NR3C2: variants seen among roughly 807,000 people sequenced by gnomAD.
NR3C2 encodes nuclear receptor subfamily 3 group C member 2.
A neutral mutation model predicts 86.4 loss-of-function variants in NR3C2; 15 were observed. The observed-to-expected ratio is 0.17, with a 90% CI of 0.12 to 0.27. NR3C2 has a LOEUF of 0.27. Among genes scored for constraint, NR3C2 ranks in the 10% least tolerant of loss-of-function variants. NR3C2 has a pLI of 1.00. For missense variants in NR3C2, 960 were observed against 1,195.6 expected, an observed-to-expected ratio of 0.80 and a Z score of 2.91; for synonymous variants, 458 against 450.5, an observed-to-expected ratio of 1.02 and a Z score of -0.21.
chr4:148,367,064 C>T (rs1380729949), intron 2 of NR3C2, among the ~76,000 whole-genome samples: 1 of 152,136 alleles, frequency 6.6e-6, no homozygotes, highest in African/African-American at 2.4e-5. Context: ...TCTATAAACC[C>T]AGAACTGCAT....
At chr4:148,128,710 G>A (rs1355515706) in intron 6 of NR3C2, among the ~76,000 whole-genome samples, 1 of 151,532 alleles carries the variant, frequency 6.6e-6, no homozygotes, top group African/African-American at 2.4e-5. Context: ...GAGTTTTAGG[G>A]GCTAGTTTTA....
At chr4:148,429,716 A>T (rs745856461) in intron 2 of NR3C2, among the ~76,000 whole-genome samples, 6 of 152,242 alleles carry the variant, frequency 3.9e-5, no homozygotes, top group Non-Finnish European at 8.8e-5. Context: ...AATGTTTAAA[A>T]TGAAGACGCT....
chr4:148,346,074 G>C (rs1408177261), intron 2 of NR3C2, among the ~76,000 whole-genome samples: 2 of 152,110 alleles, frequency 1.3e-5, no homozygotes, highest in Admixed American at 6.6e-5. Context: ...GTGAAGGAAA[G>C]CAAAGATAGC....
At chr4:148,423,752 G>A (rs912442839) in intron 2 of NR3C2, among the ~76,000 whole-genome samples, 1 of 152,088 alleles carries the variant, frequency 6.6e-6, no homozygotes, top group African/African-American at 2.4e-5. Context: ...ACCCAGGCTC[G>A]AGTGCAGTGG....
intron 2 of NR3C2, among the ~76,000 whole-genome samples, chr4:148,274,372 G>C (rs951040952): frequency 2.0e-5 from 3 of 152,184 alleles, no homozygotes; most frequent in East Asian, 1.9e-4. Flanking sequence ...GATATGGTTT[G>C]GCTCTGTGCC....
At chr4:148,252,322 G>A (rs1739619293) in intron 3 of NR3C2, among the ~76,000 whole-genome samples, 2 of 152,074 alleles carry the variant, frequency 1.3e-5, no homozygotes, top group East Asian at 3.9e-4. Flanking sequence ...TAGATTCAAC[G>A]ATATTACCTT....
intron 2 of NR3C2, among the ~76,000 whole-genome samples, chr4:148,299,229 T>C (rs905727956): frequency 2.0e-5 from 3 of 152,232 alleles, no homozygotes; most frequent in African/African-American, 7.2e-5. Context: ...CAAAAAAGCC[T>C]GCATCGTTTT....
At chr4:148,181,158 A>C (rs1213956065) in intron 4 of NR3C2, among the ~76,000 whole-genome samples, 1 of 152,214 alleles carries the variant, frequency 6.6e-6, no homozygotes, top group African/African-American at 2.4e-5. Context: ...AACCAGAATT[A>C]GGAACCAGTT....
At chr4:148,265,920 A>G (rs1740362874) in intron 2 of NR3C2, among the ~76,000 whole-genome samples, 1 of 152,184 alleles carries the variant, frequency 6.6e-6, no homozygotes, top group African/African-American at 2.4e-5. Context: ...ATCCTCATGG[A>G]ACTTCTATAG....
At chr4:148,199,157 G>A (rs1736590608) in intron 3 of NR3C2, among the ~76,000 whole-genome samples, 1 of 151,638 alleles carries the variant, frequency 6.6e-6, no homozygotes, top group Non-Finnish European at 1.5e-5. Context: ...AGTTAAGTGA[G>A]TAAAGAGCGT....
intron 2 of NR3C2, among the ~76,000 whole-genome samples, chr4:148,327,014 A>G (rs1014044277): frequency 6.6e-6 from 1 of 152,228 alleles, no homozygotes; most frequent in African/African-American, 2.4e-5. Flanking sequence ...CATCCAAGAA[A>G]AGTCCACGGT....
intron 2 of NR3C2, among the ~76,000 whole-genome samples, chr4:148,298,970 G>C (rs1269460115): frequency 6.6e-6 from 1 of 152,214 alleles, no homozygotes; most frequent in African/African-American, 2.4e-5. Flanking sequence ...GGGAGAATGG[G>C]GTGGAGCCAC....
chr4:148,327,808 A>C (rs1017681505), intron 2 of NR3C2, among the ~76,000 whole-genome samples: 2 of 152,126 alleles, frequency 1.3e-5, no homozygotes, highest in African/African-American at 2.4e-5. Context: ...GCTTGGCTTT[A>C]ATCTCTCAGG....
intron 2 of NR3C2, among the ~76,000 whole-genome samples, chr4:148,423,786 T>C (rs1749397184): frequency 6.6e-6 from 1 of 152,178 alleles, no homozygotes; most frequent in Admixed American, 6.5e-5. Flanking sequence ...CACTGCAACC[T>C]CCACTTCCCT....
chr4:148,147,762 A>G (rs1044371944), intron 6 of NR3C2, among the ~76,000 whole-genome samples: 2 of 152,184 alleles, frequency 1.3e-5, no homozygotes, highest in Admixed American at 1.3e-4. Context: ...GCTGTGGTGG[A>G]AGGTAGGAAA....
intron 2 of NR3C2, among the ~76,000 whole-genome samples, chr4:148,306,271 A>C (rs6535599): frequency 0.79 from 119,822 of 152,064 alleles, 47,304 homozygotes; most frequent in African/African-American, 0.8. Flanking sequence ...TCATCATATC[A>C]CTCAGCTACA....
chr4:148,435,156 T>C lies in NR3C2; in HGVS notation c.1705A>G (p.Arg569Gly), dbSNP rs61759976. Residue 569 changes from arginine (R) to glycine (G), a missense_variant, in exon 2 of 9, where the codon AGA becomes GGA. Arg to Gly is a moderately radical substitution (Grantham distance 125). Transcript: ENST00000358102. Reference protein sequence around the residue: ...SWKSHGDLSSRRSDGYPVLEY... With the variant: ...SWKSHGDLSSGRSDGYPVLEY... ...AAGACCGGATACCCATCACTTCTTC[T>C]AGACGACAGGTCGCCGTGTGATTTC... The C allele has an allele frequency of 4.4e-4, 710 of 1,614,234 alleles. 3 individuals are homozygous for C. Among genetic ancestry groups the C allele is most frequent in the South Asian group, 3.4e-3 (310 of 91,086 alleles).
chr4:148,093,451 A>C lies in NR3C2; in HGVS notation c.2800-11952T>G, dbSNP rs1005083051. Among the ~76,000 whole-genome samples, 9 of 152,362 alleles carry C rather than the reference A, an allele frequency of 5.9e-5. No homozygotes were observed. The East Asian group carries it at 1.5e-3, about 26-fold the overall frequency. The stretch of plus-strand genomic sequence containing the variant: ...ATACAGCCTCTCTAAAGTAGGTCCC[A>C]CATGACTTCAATAGCGTGCTCATTT... On this transcript the variant is annotated intron_variant, in intron 8 of 8. Transcript: ENST00000358102.
chr4:148,430,026 T>C (rs943734960), intron 2 of NR3C2, among the ~76,000 whole-genome samples: 7 of 152,122 alleles, frequency 4.6e-5, no homozygotes, highest in African/African-American at 1.7e-4. Context: ...GCTCCTAAAT[T>C]AGTGGTGATC....
Sources: gnomAD v4.1 joint callset for allele counts (sites outside exome capture counted in the v4.1 genomes callset) on GRCh38, gnomAD v4.1.1 for gene constraint, MANE v1.5 for transcripts, NCBI Gene and HGNC (gene_info 2026-07-23, HGNC 2026-07-21) for gene names.